The following CEP72 variants were observed in gnomAD, a reference collection of about 807,000 sequenced individuals.
CEP72 encodes centrosomal protein 72.
In CEP72, 78 loss-of-function variants were observed where a neutral mutation model predicts 65.7. That is an observed-to-expected ratio of 1.19 (90% CI 0.99 to 1.43). The LOEUF is 1.43. Ranked by LOEUF, CEP72 falls within the 40% of genes most tolerant of loss-of-function variation. The pLI is 0.00. For missense variants in CEP72, 914 were observed against 832.9 expected, an observed-to-expected ratio of 1.10 and a Z score of -1.20; for synonymous variants, 358 against 351.7, an observed-to-expected ratio of 1.02 and a Z score of -0.20.
intron 7 of CEP72, among the ~76,000 whole-genome samples, chr5:638,248 G>C (rs904754915): frequency 6.6e-6 from 1 of 152,186 alleles, no homozygotes; most frequent in African/African-American, 2.4e-5. Flanking sequence ...TTGGCCGGCT[G>C]AGCCATTGAT....
At chr5:660,594 CGT>C (rs1561073626), downstream of CEP72, 1 of 152,376 alleles carries the variant, frequency 6.6e-6, no homozygotes, top group African/African-American at 2.4e-5. Flanking sequence ...CCAGTGCACG[CGT>C]GATTGCCCAC....
At chr5:672,705 T>C in the CEP72 span, among the ~76,000 whole-genome samples, 4 of 152,218 alleles carry the variant, frequency 2.6e-5, no homozygotes, top group African/African-American at 9.6e-5. Flanking sequence ...TCGCTGTCCA[T>C]GGCTCTACCG....
chr5:672,326 C>G, the CEP72 span, among the ~76,000 whole-genome samples: 2 of 152,336 alleles, frequency 1.3e-5, no homozygotes, highest in Admixed American at 1.3e-4. Context: ...TAACCAGCGT[C>G]CAGGTATCAG....
intron 4 of CEP72, among the ~76,000 whole-genome samples, chr5:626,672 T>C (rs983515393): frequency 4.6e-5 from 7 of 152,056 alleles, no homozygotes; most frequent in South Asian, 2.1e-4. Flanking sequence ...CTTTTTTTTT[T>C]CTTAATTAAC....
intron 1 of CEP72, chr5:662,867 CTG>C (rs1739698675): frequency 7.0e-6 from 1 of 143,870 alleles, no homozygotes; most frequent in South Asian, 2.2e-4. Context: ...GGCCACTCGT[CTG>C]TGATCGGGTG....
chr5:651,413 GATATGACCTGTGTGCA>G (rs1012598453), intron 11 of CEP72, among the ~76,000 whole-genome samples: 2 of 151,964 alleles, frequency 1.3e-5, no homozygotes, highest in African/African-American at 4.8e-5. Flanking sequence ...TGGACTGTGA[GATATGACCTGTGTGCA>G]GTGTGACCAG....
chr5:626,125 G>A (rs1405639870), intron 4 of CEP72, among the ~76,000 whole-genome samples: 3 of 152,170 alleles, frequency 2.0e-5, no homozygotes, highest in Non-Finnish European at 4.4e-5. Flanking sequence ...TTAGTTTCAT[G>A]GGGTTTTCTT....
Position 623,316 on chromosome 5 carries a change from C to T in CEP72, c.404-1155C>T, listed in dbSNP as rs184937817. 7.9e-5 allele frequency among the ~76,000 whole-genome samples: 12 copies of T among 152,350 alleles called. No homozygotes were observed. The East Asian group carries it at 1.9e-3, about 24-fold the overall frequency. Reference sequence around the variant, plus strand: ...ACCACGGAGGTGCGGGGCCCCGGGACGGCCTGCTGCCCTGCGTGGTGCCTC... The same window carrying T: ...ACCACGGAGGTGCGGGGCCCCGGGATGGCCTGCTGCCCTGCGTGGTGCCTC... On this transcript the variant is annotated intron_variant, in intron 3 of 11. Coordinates refer to ENST00000264935, the MANE Select transcript of CEP72 (RefSeq NM_018140.4). The surrounding 1 kb of genome is among the most constrained non-coding windows in gnomAD (Gnocchi z 5.3).
intron 4 of CEP72, among the ~76,000 whole-genome samples, chr5:631,447 T>G (rs1387164345): frequency 6.0e-5 from 3 of 49,666 alleles, no homozygotes; most frequent in African/African-American, 3.5e-4. Context: ...GCGCCGGGAT[T>G]TGGACCAGTC....
At chr5:639,368 G>GGAGGGCCCAGGCGC in intron 8 of CEP72, 144 bp downstream of exon 8, 1 of 895,672 alleles carries the variant, frequency 1.1e-6, no homozygotes, top group Non-Finnish European at 1.6e-6. Context: ...CCCGCGCCTG[G>GGAGGGCCCAGGCGC]GCCCTCCCTG....
intron 1 of CEP72, chr5:663,109 G>A (rs1166671799): frequency 1.4e-5 from 2 of 139,492 alleles, no homozygotes; most frequent in Non-Finnish European, 2.9e-5. Flanking sequence ...TCCGGTGGCC[G>A]CTCGTCTGTG....
In CEP72 at chr5:653,067, A is replaced by C; in HGVS notation, c.1858A>C (p.Met620Leu). The C allele has an allele frequency of 1.9e-6, 3 of 1,613,924 alleles. No individual in the cohort carries two copies. Among genetic ancestry groups the C allele is most frequent in the Non-Finnish European group, 2.5e-6 (3 of 1,180,024 alleles). Residue 620 changes from methionine (M) to leucine (L), a missense_variant, in exon 12 of 12, where the codon ATG becomes CTG. Met to Leu is a conservative substitution (Grantham distance 15). Coordinates refer to ENST00000264935, the MANE Select transcript of CEP72 (RefSeq NM_018140.4). ...RAQHRAEVEQ[M>L]HWSYQELKKT... ...GCAGCACAGAGCCGAGGTGGAGCAG[A>C]TGCACTGGAGCTACCAGGAGCTCAA...
chr5:618,906 CCA>C, intron 1 of CEP72, 82 bp from the exon 2 acceptor site: 2 of 1,081,966 alleles, frequency 1.8e-6, no homozygotes, highest in South Asian at 2.8e-5. Flanking sequence ...AGTTTCTACT[CCA>C]TATCCAACAC....
intron 8 of CEP72, among the ~76,000 whole-genome samples, 168 bp from the exon 9 acceptor site, chr5:640,240 C>T (rs1056338778): frequency 3.9e-5 from 6 of 152,210 alleles, no homozygotes; most frequent in African/African-American, 7.2e-5. Context: ...CGTGTGTGGA[C>T]GCACAGAGCC....
At chr5:654,182 G>T (rs1396903680), downstream of CEP72, among the ~76,000 whole-genome samples, 10 of 149,066 alleles carry the variant, frequency 6.7e-5, no homozygotes, top group African/African-American at 2.5e-4. Context: ...CACTTGCTCT[G>T]TGTACTAGCT....
intron 1 of CEP72, among the ~76,000 whole-genome samples, chr5:616,828 G>T (rs1229109462): frequency 6.6e-6 from 1 of 151,890 alleles, no homozygotes; most frequent in East Asian, 1.9e-4. Context: ...GTGTGTGTGT[G>T]TGTGCGCGCG....
Position 624,119 on chromosome 5 carries a change from C to A in CEP72, c.404-352C>A, listed in dbSNP as rs1022365177. On this transcript the variant is annotated intron_variant, in intron 3 of 11. Coordinates refer to ENST00000264935, the MANE Select transcript of CEP72 (RefSeq NM_018140.4). This position sits in a 1 kb window ranked among gnomAD's most constrained non-coding sequence, Gnocchi z 4.7. ...GGAAGTTGCAGCCTCTCGGGCCGGG[C>A]AGGCTCCCTCCGTGGAGGCTTCTCT... Among the ~76,000 whole-genome samples the A allele has an allele frequency of 6.6e-6, 1 of 152,200 alleles. No homozygotes were observed. The highest frequency in any genetic ancestry group is 2.4e-5 in the African/African-American group (1 of 41,446).
intron 11 of CEP72, among the ~76,000 whole-genome samples, chr5:650,337 G>C (rs1738918773): frequency 8.2e-6 from 1 of 121,804 alleles, no homozygotes; most frequent in Non-Finnish European, 1.7e-5. Flanking sequence ...TGTGAGGTGT[G>C]ACTGTGAGGC....
chr5:675,116 G>T, the CEP72 span, among the ~76,000 whole-genome samples: 5 of 129,254 alleles, frequency 3.9e-5, no homozygotes, highest in Non-Finnish European at 3.3e-5. Flanking sequence ...TGCAGCACGG[G>T]GGGTACAGTG....
Sources: gnomAD v4.1 joint callset for allele counts (sites outside exome capture counted in the v4.1 genomes callset) on GRCh38, gnomAD v4.1.1 for gene constraint, Gnocchi (gnomAD v3.1) non-coding constraint, MANE v1.5 for transcripts, NCBI Gene and HGNC (gene_info 2026-07-23, HGNC 2026-07-21) for gene names.